The following STPG4 variants were observed in gnomAD, a reference collection of about 807,000 sequenced individuals.
The protein encoded by STPG4 is protein STPG4.
A neutral mutation model predicts 31.5 loss-of-function variants in STPG4; 41 were observed. The observed-to-expected ratio is 1.30, with a 90% CI of 1.01 to 1.69. The LOEUF is 1.69. Ranked by LOEUF, STPG4 falls within the 40% of genes most tolerant of loss-of-function variation. The pLI is 0.00. For missense variants in STPG4, 375 were observed against 293.4 expected (o/e 1.28, Z -2.03); for synonymous variants, 141 against 103.0 (o/e 1.37, Z -2.24).
chr2:47,118,238 T>A (rs937135611), intron 5 of STPG4, among the ~76,000 whole-genome samples: 1 of 152,134 alleles, frequency 6.6e-6, no homozygotes, highest in Non-Finnish European at 1.5e-5. Context: ...CCAGCTCCTA[T>A]CAGATCAGCG....
At chr2:47,087,552 G>A (rs1222467425) in intron 6 of STPG4, among the ~76,000 whole-genome samples, 2 of 152,296 alleles carry the variant, frequency 1.3e-5, no homozygotes, top group East Asian at 1.9e-4. Context: ...GAACCTGATT[G>A]GTCTAACTCA....
chr2:47,096,959 G>A (rs1685681906), intron 5 of STPG4, among the ~76,000 whole-genome samples: 1 of 152,102 alleles, frequency 6.6e-6, no homozygotes, highest in Non-Finnish European at 1.5e-5. Flanking sequence ...CACAGTGAGG[G>A]GAGGCCACGG....
chr2:47,094,238 G>C (rs1685627884), intron 5 of STPG4, among the ~76,000 whole-genome samples: 2 of 152,196 alleles, frequency 1.3e-5, no homozygotes, highest in African/African-American at 4.8e-5. Context: ...TCAGGGTCAT[G>C]CTTTGGCAAC....
chr2:47,102,595 C>T lies in STPG4; in HGVS notation c.520-12221G>A, dbSNP rs570414828. On this transcript the variant is annotated intron_variant, in intron 5 of 6. Coordinates refer to ENST00000445927, the MANE Select transcript of STPG4 (RefSeq NM_001163561.2). The stretch of plus-strand genomic sequence containing the variant: ...ACAACTATGCAAAGCTTGCAATTTA[C>T]ATCCCACAGGAGGACCCCTCAGCTT... Among the ~76,000 whole-genome samples, 382 of 152,004 alleles carry T rather than the reference C, an allele frequency of 2.5e-3. 1 individual carries two copies. Among genetic ancestry groups the T allele is most frequent in the Non-Finnish European group, 4.4e-3 (298 of 68,016 alleles).
chr2:47,124,280 C>G (rs1686325042), intron 5 of STPG4, among the ~76,000 whole-genome samples: 2 of 152,134 alleles, frequency 1.3e-5, no homozygotes, highest in Admixed American at 6.6e-5. Context: ...CCACCGTGCC[C>G]AGCCAATTTT....
At chr2:47,144,763 C>T (rs1018848885) in intron 3 of STPG4, among the ~76,000 whole-genome samples, 1 of 152,106 alleles carries the variant, frequency 6.6e-6, no homozygotes, top group Non-Finnish European at 1.5e-5. Flanking sequence ...TGAAGTCTTG[C>T]TCTGTCGCCC....
At chr2:47,142,982 C>T (rs575069250) in intron 3 of STPG4, among the ~76,000 whole-genome samples, 3 of 151,558 alleles carry the variant, frequency 2.0e-5, no homozygotes, top group South Asian at 2.1e-4. Context: ...GGATTACAGG[C>T]GCCTGCCACC....
intron 5 of STPG4, among the ~76,000 whole-genome samples, chr2:47,121,992 T>C (rs1351560605): frequency 6.6e-6 from 1 of 152,080 alleles, no homozygotes; most frequent in East Asian, 1.9e-4. Context: ...ATCCATAGAT[T>C]CCAGGCATTA....
intron 6 of STPG4, 49 bp from the exon 7 acceptor site, chr2:47,087,179 C>T: frequency 1.3e-6 from 2 of 1,545,200 alleles, no homozygotes; most frequent in Non-Finnish European, 1.7e-6. Flanking sequence ...GAAACCAAAA[C>T]CCTGAGGCTC....
intron 5 of STPG4, among the ~76,000 whole-genome samples, chr2:47,116,450 C>T (rs963280509): frequency 6.6e-5 from 10 of 152,132 alleles, no homozygotes; most frequent in African/African-American, 2.4e-4. Context: ...ACTAGTTAAA[C>T]ATCTGTGAAA....
intron 6 of STPG4, among the ~76,000 whole-genome samples, chr2:47,089,470 C>G (rs1333213083): frequency 6.6e-6 from 1 of 152,184 alleles, no homozygotes; most frequent in African/African-American, 2.4e-5. Flanking sequence ...ACCCACCGCT[C>G]CAACTTCTCC....
chr2:47,139,398 T>C (rs2103792351), intron 3 of STPG4, among the ~76,000 whole-genome samples: 1 of 114,302 alleles, frequency 8.7e-6, no homozygotes, highest in East Asian at 2.7e-4. Flanking sequence ...ATATAGCTTC[T>C]CCTGCTTTAT....
At chr2:47,106,283 G>T (rs938013931) in intron 5 of STPG4, among the ~76,000 whole-genome samples, 3 of 151,888 alleles carry the variant, frequency 2.0e-5, no homozygotes, top group Non-Finnish European at 4.4e-5. Context: ...ACAGGCACCT[G>T]CACCTTAGTC....
intron 1 of STPG4, 113 bp downstream of exon 1, chr2:47,155,058 G>A: frequency 1.1e-6 from 1 of 938,470 alleles, no homozygotes; most frequent in South Asian, 1.4e-5. Flanking sequence ...GAGAAGGGTA[G>A]GAAGAGGGAA....
chr2:47,113,223 G>A (rs1001785363), intron 5 of STPG4, among the ~76,000 whole-genome samples: 1 of 152,058 alleles, frequency 6.6e-6, no homozygotes, highest in African/African-American at 2.4e-5. Context: ...AGATGATGAC[G>A]AACTACCTCA....
chr2:47,090,345 A>G lies in STPG4; in HGVS notation c.549T>C (p.Asn183=), dbSNP rs906088452. The G allele has an allele frequency of 3.9e-6, 6 of 1,551,964 alleles. No homozygotes were observed. In the African/African-American group the frequency reaches 6.8e-5, roughly 18 times the overall value. The change falls in exon 6 of 7, where the codon AAT becomes AAC. Residue 183 remains asparagine, a synonymous_variant. Transcript: ENST00000445927. ...PHEGPGPGHY[N]VKMPPTSSVT... is the part of the protein sequence containing the mutation. ...CAGAGCTTGTTGGAGGCATTTTCAC[A>G]TTATAATGACCTGGACCAGGGCCTT...
intron 6 of STPG4, among the ~76,000 whole-genome samples, chr2:47,087,841 C>T (rs6726185): frequency 0.18 from 26,743 of 151,960 alleles, 4,108 homozygotes; most frequent in East Asian, 0.63. Context: ...CTCTGCCTCC[C>T]GGGTTCAAGC....
At chr2:47,138,503 T>C (rs1217485649) in intron 3 of STPG4, among the ~76,000 whole-genome samples, 1 of 151,916 alleles carries the variant, frequency 6.6e-6, no homozygotes, top group African/African-American at 2.4e-5. Flanking sequence ...GTGAGTCTCC[T>C]GCCTCAGCCT....
intron 5 of STPG4, among the ~76,000 whole-genome samples, chr2:47,102,347 G>C (rs1348197603): frequency 1.3e-5 from 2 of 151,806 alleles, no homozygotes; most frequent in Non-Finnish European, 2.9e-5. Flanking sequence ...TGCATCCTAA[G>C]CCTTTGGGAC....
Sources: gnomAD v4.1 joint callset for allele counts (sites outside exome capture counted in the v4.1 genomes callset) on GRCh38, gnomAD v4.1.1 for gene constraint, MANE v1.5 for transcripts, NCBI Gene and HGNC (gene_info 2026-07-23, HGNC 2026-07-21) for gene names.